The following ARID3B variants were observed in gnomAD, a reference collection of about 807,000 sequenced individuals.
The protein encoded by ARID3B is AT-rich interactive domain-containing protein 3B.
A neutral mutation model predicts 51.9 loss-of-function variants in ARID3B; 10 were observed. The observed-to-expected ratio is 0.19, with a 90% confidence interval of 0.12 to 0.33. The LOEUF is 0.33. Among genes scored for constraint, ARID3B ranks in the 10% least tolerant of loss-of-function variants. The pLI, the probability that ARID3B is intolerant of heterozygous loss-of-function variation, is 1.00. For synonymous variants in ARID3B, 205 were observed against 279.5 expected, an observed-to-expected ratio of 0.73 and a Z score of 2.66; for missense variants, 483 against 716.3, an observed-to-expected ratio of 0.67 and a Z score of 3.72.
intron 8 of ARID3B, among the ~76,000 whole-genome samples, chr15:74,594,140 C>T (rs556095568): frequency 6.6e-6 from 1 of 152,184 alleles, no homozygotes; most frequent in South Asian, 2.1e-4. Flanking sequence ...GGGAACAAGC[C>T]CACCTGACTC....
At chr15:74,570,320 G>A (rs1379683417) in intron 2 of ARID3B, among the ~76,000 whole-genome samples, 2 of 152,080 alleles carry the variant, frequency 1.3e-5, no homozygotes, top group African/African-American at 4.8e-5. Context: ...GGTCACACTA[G>A]CGTGCTTGTT....
intron 2 of ARID3B, among the ~76,000 whole-genome samples, chr15:74,563,518 T>C (rs1338310040): frequency 1.3e-5 from 2 of 152,232 alleles, no homozygotes; most frequent in East Asian, 1.9e-4. Flanking sequence ...TATGAAACTT[T>C]TGGGCAAGTT....
At chr15:74,590,125 A>C in intron 5 of ARID3B, 122 bp downstream of exon 5, 2 of 1,181,376 alleles carry the variant, frequency 1.7e-6, no homozygotes, top group Non-Finnish European at 2.3e-6. Flanking sequence ...TTCCCGAAAC[A>C]GTGGGGAGCT....
intron 2 of ARID3B, among the ~76,000 whole-genome samples, chr15:74,550,451 G>A (rs1484277133): frequency 6.6e-6 from 1 of 152,086 alleles, no homozygotes; most frequent in Non-Finnish European, 1.5e-5. Flanking sequence ...CCAGCACTTT[G>A]GGAGGCGGAG....
At chr15:74,544,911 C>T (rs569192708) in intron 2 of ARID3B, among the ~76,000 whole-genome samples, 6 of 152,170 alleles carry the variant, frequency 3.9e-5, no homozygotes, top group African/African-American at 1.4e-4. Flanking sequence ...AAGATGGTCT[C>T]GATCTCCTGA....
At chr15:74,572,291 G>A (rs1330785805) in intron 2 of ARID3B, among the ~76,000 whole-genome samples, 1 of 152,188 alleles carries the variant, frequency 6.6e-6, no homozygotes, top group African/African-American at 2.4e-5. Flanking sequence ...CACAGAGTCT[G>A]TACCTTGGAA....
chr15:74,587,415 TCCTG>T (rs1451240190), intron 4 of ARID3B, among the ~76,000 whole-genome samples: 1 of 152,192 alleles, frequency 6.6e-6, no homozygotes, highest in Non-Finnish European at 1.5e-5. Flanking sequence ...GTTCCTGCCT[TCCTG>T]CCTAACTTCC....
chr15:74,590,906 G>A (rs2061800336), intron 5 of ARID3B, among the ~76,000 whole-genome samples: 1 of 152,206 alleles, frequency 6.6e-6, no homozygotes. Flanking sequence ...CAACTAAGAT[G>A]TTATTTATTT....
chr15:74,596,662 T>A lies in ARID3B; in HGVS notation c.*888T>A, dbSNP rs1256298038. Reference sequence around the variant, plus strand: ...CTCTTCTATTTCTTATGGGGCCATCTTGGCCTCACCATCCCCACACGTGCC... The same window carrying A: ...CTCTTCTATTTCTTATGGGGCCATCATGGCCTCACCATCCCCACACGTGCC... On this transcript the variant is annotated 3_prime_UTR_variant, in exon 9 of 9. Transcript: ENST00000346246. The A allele has an allele frequency of 4.3e-6, 1 of 233,640 alleles. No homozygotes were observed. The highest frequency in any genetic ancestry group is 2.2e-5 in the African/African-American group (1 of 45,362). 14.5% of individuals were successfully genotyped at this position (233,640 alleles called of 1,614,324 possible). A position where few individuals can be genotyped will look rare whatever the true frequency, so the allele number is the denominator to read the frequency against.
intron 2 of ARID3B, among the ~76,000 whole-genome samples, chr15:74,560,813 A>G (rs972877096): frequency 6.6e-6 from 1 of 152,090 alleles, no homozygotes; most frequent in Admixed American, 6.6e-5. Flanking sequence ...TGGTATATGT[A>G]TTTCTGTGGT....
chr15:74,557,054 C>T lies in ARID3B; in HGVS notation c.552+12566C>T, dbSNP rs189499990. Among the ~76,000 whole-genome samples the T allele has an allele frequency of 3.7e-3, 561 of 152,052 alleles. 4 individuals carry two copies. Among genetic ancestry groups the T allele is most frequent in the African/African-American group, 0.013 (537 of 41,490 alleles). ...CCTCCCAAAGTGCTAGGATTACAGA[C>T]GTGAGCCAGCATGCACAGCCTCCTT... On this transcript the variant is annotated intron_variant, in intron 2 of 8. Coordinates refer to ENST00000346246, the MANE Select transcript of ARID3B (RefSeq NM_006465.4).
chr15:74,554,942 T>TA (rs944102455), intron 2 of ARID3B, among the ~76,000 whole-genome samples: 19 of 150,764 alleles, frequency 1.3e-4, no homozygotes, highest in South Asian at 2.1e-4. Context: ...TCATTATACC[T>TA]AAAAAAAAAC....
rs1341941866 is a variant in ARID3B at position 74,596,682 on chromosome 15, C to T, written c.*908C>T. 11 of 233,572 alleles carry T rather than the reference C, an allele frequency of 4.7e-5. No homozygotes were observed. Among genetic ancestry groups the T allele is most frequent in the Non-Finnish European group, 7.6e-5 (9 of 118,050 alleles). The allele number at this position is 233,572 out of a possible 1,614,324, so 14.5% of individuals were successfully genotyped here. A position where few individuals can be genotyped will look rare whatever the true frequency, so the allele number is the denominator to read the frequency against. On this transcript the variant is annotated 3_prime_UTR_variant, in exon 9 of 9. Transcript: ENST00000346246. ...CCATCTTGGCCTCACCATCCCCACA[C>T]GTGCCGATGTCAGGTTCATTGAAAT...
chr15:74,543,265 A>G (rs557052235), intron 1 of ARID3B, among the ~76,000 whole-genome samples: 34 of 152,246 alleles, frequency 2.2e-4, no homozygotes, highest in Middle Eastern at 3.4e-3. Context: ...CAGGCTGGCA[A>G]TTTGATCAGG....
intron 2 of ARID3B, among the ~76,000 whole-genome samples, chr15:74,549,711 C>T (rs539472783): frequency 6.6e-6 from 1 of 152,320 alleles, no homozygotes; most frequent in African/African-American, 2.4e-5. Context: ...CTTGCATGCC[C>T]TTGCCTTCTG....
intron 1 of ARID3B, among the ~76,000 whole-genome samples, chr15:74,541,548 GA>G (rs145891657): frequency 0.034 from 5,230 of 152,348 alleles, 127 homozygotes; most frequent in Middle Eastern, 0.12. Flanking sequence ...ATAAAGCGAT[GA>G]GAAGGGTGAG....
intron 4 of ARID3B, among the ~76,000 whole-genome samples, chr15:74,581,451 T>C (rs536666353): frequency 6.6e-6 from 1 of 152,252 alleles, no homozygotes; most frequent in Non-Finnish European, 1.5e-5. Context: ...CTGGACACCC[T>C]TCCTGGCAGA....
At chr15:74,557,470 C>T (rs2061663106) in intron 2 of ARID3B, among the ~76,000 whole-genome samples, 1 of 151,978 alleles carries the variant, frequency 6.6e-6, no homozygotes, top group African/African-American at 2.4e-5. Context: ...ATTTTGCCCT[C>T]ACTTTTGTAC....
chr15:74,557,934 G>A (rs765650176), intron 2 of ARID3B, among the ~76,000 whole-genome samples: 3 of 146,794 alleles, frequency 2.0e-5, no homozygotes, highest in Non-Finnish European at 3.0e-5. Context: ...CCATTCTCCC[G>A]CCTCAGCTTC....
Sources: gnomAD v4.1 joint callset for allele counts (sites outside exome capture counted in the v4.1 genomes callset) on GRCh38, gnomAD v4.1.1 for gene constraint, MANE v1.5 for transcripts, NCBI Gene and HGNC (gene_info 2026-07-23, HGNC 2026-07-21) for gene names.